The following TXLNB variants were observed in gnomAD, a reference collection of about 807,000 sequenced individuals.
The protein encoded by TXLNB is taxilin beta, also known as beta-taxilin.
Under a neutral mutation model 57.4 loss-of-function variants are expected in TXLNB, and 37 were observed. The observed-to-expected ratio is 0.64, with a 90% confidence interval of 0.50 to 0.85. The LOEUF (loss-of-function observed/expected upper bound fraction) is 0.85, where lower values mean the gene tolerates loss of function less well. Among genes scored for constraint, TXLNB ranks in the 40% least tolerant of loss-of-function variants. The probability of loss-of-function intolerance (pLI) is 0.00; values close to 1 mark genes in which losing one functional copy is unlikely to be tolerated. For missense variants in TXLNB, 848 were observed against 825.6 expected, an observed-to-expected ratio of 1.03 and a Z score of -0.33; for synonymous variants, 302 against 309.6, an observed-to-expected ratio of 0.98 and a Z score of 0.26.
At chr6:139,203,610 T>G in the TXLNB span, 1 of 152,230 alleles carries the variant, frequency 6.6e-6, no homozygotes, top group African/African-American at 2.4e-5. Context: ...TCTACCCATC[T>G]CTTAAGTCTT....
chr6:139,309,643 G>A, the TXLNB span, among the ~76,000 whole-genome samples: 2 of 152,028 alleles, frequency 1.3e-5, no homozygotes, highest in Non-Finnish European at 2.9e-5. Flanking sequence ...ATACAAAAAG[G>A]GCCAGGCACA....
At chr6:139,311,664 G>C in the TXLNB span, among the ~76,000 whole-genome samples, 3 of 152,124 alleles carry the variant, frequency 2.0e-5, no homozygotes, top group Non-Finnish European at 4.4e-5. Flanking sequence ...TGGAAGGAAG[G>C]ACATCCAGAA....
At chr6:139,193,915 C>T in the TXLNB span, among the ~76,000 whole-genome samples, 1 of 146,540 alleles carries the variant, frequency 6.8e-6, no homozygotes, top group African/African-American at 2.5e-5. Flanking sequence ...GATCTCGGCT[C>T]ACTGCAAGCT....
At chr6:139,214,258 C>T in the TXLNB span, among the ~76,000 whole-genome samples, 1 of 152,166 alleles carries the variant, frequency 6.6e-6, no homozygotes, top group Non-Finnish European at 1.5e-5. Context: ...AATCCAGCAA[C>T]ACATCAAAAA....
the TXLNB span, among the ~76,000 whole-genome samples, chr6:139,319,856 G>C: frequency 6.6e-6 from 1 of 152,076 alleles, no homozygotes; most frequent in Non-Finnish European, 1.5e-5. Flanking sequence ...ACTATTTATA[G>C]TATTTAACAA....
the TXLNB span, among the ~76,000 whole-genome samples, chr6:139,185,997 G>A: frequency 6.6e-6 from 1 of 152,126 alleles, no homozygotes; most frequent in African/African-American, 2.4e-5. Flanking sequence ...GAAGTTAGTT[G>A]AGAAAATAAT....
At chr6:139,215,147 C>CAA in the TXLNB span, among the ~76,000 whole-genome samples, 2 of 151,494 alleles carry the variant, frequency 1.3e-5, no homozygotes, top group East Asian at 1.9e-4. Context: ...CATATGGAAC[C>CAA]AAAAAAAAGC....
the TXLNB span, among the ~76,000 whole-genome samples, chr6:139,192,370 T>C: frequency 6.6e-5 from 10 of 152,238 alleles, no homozygotes; most frequent in African/African-American, 2.4e-4. Context: ...CCACACTATT[T>C]AAATTGCAAC....
chr6:139,277,691 C>T (rs991515887), intron 2 of TXLNB, among the ~76,000 whole-genome samples: 1 of 151,992 alleles, frequency 6.6e-6, no homozygotes, highest in African/African-American at 2.4e-5. Context: ...TTGGCAGTTT[C>T]ATTTTGTTTC....
intron 4 of TXLNB, among the ~76,000 whole-genome samples, chr6:139,266,539 A>T (rs1218906266): frequency 6.6e-6 from 1 of 152,176 alleles, no homozygotes; most frequent in Admixed American, 6.5e-5. Context: ...AAAATAAGAT[A>T]ATCTAAAAAT....
At chr6:139,310,664 A>G in the TXLNB span, among the ~76,000 whole-genome samples, 1 of 152,194 alleles carries the variant, frequency 6.6e-6, no homozygotes, top group African/African-American at 2.4e-5. Flanking sequence ...ATATTGTTGC[A>G]CTGTAGACAA....
chr6:139,214,018 G>A, the TXLNB span, among the ~76,000 whole-genome samples: 1,217 of 152,290 alleles, frequency 8.0e-3, 7 homozygotes, highest in Middle Eastern at 0.027. Context: ...TCCAGGATCA[G>A]ATGGATTCAC....
intron 2 of TXLNB, among the ~76,000 whole-genome samples, chr6:139,281,539 C>CCTTTTTT (rs1213464486): frequency 1.7e-5 from 1 of 57,488 alleles, no homozygotes; most frequent in Non-Finnish European, 2.9e-5. Context: ...ATCTGGAGTT[C>CCTTTTTT]TTTTTTTTTT....
the TXLNB span, among the ~76,000 whole-genome samples, chr6:139,232,950 C>A: frequency 2.0e-5 from 3 of 152,148 alleles, no homozygotes; most frequent in Non-Finnish European, 4.4e-5. Flanking sequence ...GTGTTGAAAT[C>A]TTTAAGTACA....
chr6:139,244,674 T>C lies in TXLNB; in HGVS notation c.1187A>G (p.Lys396Arg). Residue 396 changes from lysine to arginine, a missense_variant, in exon 9 of 10, where the codon AAG (lysine) becomes AGG (arginine). Coordinates refer to ENST00000358430, the MANE Select transcript of TXLNB (RefSeq NM_153235.4). The stretch of plus-strand genomic sequence containing the variant: ...TGTGGCTGTGTCCTTTTCCAGCTTC[T>C]TCATTTTCTTAGTTGTCTACAGAAA... ...QEMDKTTKKM[K>R]KLEKDTATWK... 6.2e-7 allele frequency: 1 copy of C among 1,613,226 alleles called. No individual in the cohort carries two copies. The highest frequency in any genetic ancestry group is 8.5e-7 in the Non-Finnish European group (1 of 1,179,146).
At chr6:139,300,655 T>C in the TXLNB span, among the ~76,000 whole-genome samples, 1 of 152,140 alleles carries the variant, frequency 6.6e-6, no homozygotes, top group Non-Finnish European at 1.5e-5. Flanking sequence ...TCCCAGCACT[T>C]TGGGAGGCTG....
the TXLNB span, among the ~76,000 whole-genome samples, chr6:139,221,666 G>T: frequency 6.6e-6 from 1 of 152,060 alleles, no homozygotes; most frequent in African/African-American, 2.4e-5. Context: ...ATAGAGCATT[G>T]TACAAGAAAA....
At chr6:139,210,867 C>G in the TXLNB span, among the ~76,000 whole-genome samples, 1 of 152,224 alleles carries the variant, frequency 6.6e-6, no homozygotes, top group Non-Finnish European at 1.5e-5. Context: ...CCTACGCCCA[C>G]GGAGCCTCAC....
chr6:139,174,602 T>C, the TXLNB span: 1 of 1,571,730 alleles, frequency 6.4e-7, no homozygotes, highest in South Asian at 1.2e-5. Flanking sequence ...CAAGTGAATG[T>C]AGGGAAGATG....
Sources: gnomAD v4.1 joint callset for allele counts (sites outside exome capture counted in the v4.1 genomes callset) on GRCh38, gnomAD v4.1.1 for gene constraint, MANE v1.5 for transcripts, NCBI Gene and HGNC (gene_info 2026-07-23, HGNC 2026-07-21) for gene names.